The following SUPT3H variants were observed in gnomAD, a reference collection of about 807,000 sequenced individuals.
The protein encoded by SUPT3H is SPT3 homolog, SAGA and STAGA complex component, also known as transcription initiation protein SPT3 homolog.
Under a neutral mutation model 44.3 loss-of-function variants are expected in SUPT3H, and 44 were observed. That is an observed-to-expected ratio of 0.99 (90% confidence interval 0.78 to 1.28). SUPT3H has a LOEUF of 1.28. SUPT3H is among the 50% of genes most tolerant of loss of function. SUPT3H has a pLI of 0.00. For missense variants in SUPT3H, 380 were observed against 387.1 expected (o/e 0.98, Z 0.15); for synonymous variants, 124 against 125.6 (o/e 0.99, Z 0.09).
At chr6:44,814,734 T>C (rs1325839502) in intron 11 of SUPT3H, among the ~76,000 whole-genome samples, 2 of 152,146 alleles carry the variant, frequency 1.3e-5, no homozygotes, top group Non-Finnish European at 2.9e-5. Flanking sequence ...TGGAGTGCAG[T>C]GGTGTGATCT....
At chr6:45,252,987 C>T (rs1706394163) in intron 2 of SUPT3H, among the ~76,000 whole-genome samples, 1 of 151,580 alleles carries the variant, frequency 6.6e-6, no homozygotes, top group African/African-American at 2.4e-5. Context: ...TCATAGAGGG[C>T]TATGAGAGGA....
chr6:45,172,287 G>A (rs1214004187), intron 2 of SUPT3H, among the ~76,000 whole-genome samples: 1 of 151,444 alleles, frequency 6.6e-6, no homozygotes, highest in Non-Finnish European at 1.5e-5. Flanking sequence ...TGGCCAGAAT[G>A]GTCTCGATCT....
intron 10 of SUPT3H, among the ~76,000 whole-genome samples, chr6:44,902,655 G>C (rs1370317021): frequency 6.6e-6 from 1 of 152,076 alleles, no homozygotes. Flanking sequence ...TCCAGGAATT[G>C]AACTCAGCTC....
intron 1 of SUPT3H, among the ~76,000 whole-genome samples, chr6:45,373,144 G>A (rs950309115): frequency 6.6e-6 from 1 of 151,936 alleles, no homozygotes; most frequent in Non-Finnish European, 1.5e-5. Flanking sequence ...TAGAGACCAG[G>A]TCTCACTATA....
At chr6:45,265,839 A>C (rs1775163197) in intron 2 of SUPT3H, among the ~76,000 whole-genome samples, 1 of 152,100 alleles carries the variant, frequency 6.6e-6, no homozygotes, top group African/African-American at 2.4e-5. Context: ...TCCTTAAAGT[A>C]GTTAAAAAGA....
chr6:44,990,823 CTTATT>C (rs976312541), intron 6 of SUPT3H, among the ~76,000 whole-genome samples: 1 of 151,880 alleles, frequency 6.6e-6, no homozygotes, highest in Admixed American at 6.6e-5. Context: ...TTGGCAAAGT[CTTATT>C]TTAAATTACT....
intron 2 of SUPT3H, among the ~76,000 whole-genome samples, chr6:45,220,035 T>A (rs1257177403): frequency 2.5e-5 from 2 of 78,438 alleles, no homozygotes; most frequent in Admixed American, 1.8e-4. Context: ...AGAGAGACTC[T>A]GTCTCAAAAA....
chr6:45,273,175 A>G (rs1734875903), intron 2 of SUPT3H, among the ~76,000 whole-genome samples: 1 of 152,218 alleles, frequency 6.6e-6, no homozygotes, highest in Non-Finnish European at 1.5e-5. Context: ...CAATTGAGAT[A>G]TCTATGGTAT....
At chr6:45,370,759 A>G (rs1795927158) in intron 1 of SUPT3H, among the ~76,000 whole-genome samples, 2 of 152,182 alleles carry the variant, frequency 1.3e-5, no homozygotes, top group Non-Finnish European at 2.9e-5. Flanking sequence ...GCAGCATTAC[A>G]TATCCTACCT....
chr6:45,011,120 C>A (rs1783421572), intron 5 of SUPT3H, among the ~76,000 whole-genome samples: 1 of 152,004 alleles, frequency 6.6e-6, no homozygotes, highest in Non-Finnish European at 1.5e-5. Context: ...AGTTTAATGG[C>A]ATTCTGTTGA....
intron 2 of SUPT3H, among the ~76,000 whole-genome samples, chr6:45,253,848 C>CATATATATATATATATATATATATAT (rs34256293): frequency 0.012 from 1,052 of 88,140 alleles, 30 homozygotes; most frequent in Middle Eastern, 0.017. Context: ...CACATATACG[C>CATATATATATATATATATATATATAT]ATATATATAT....
At chr6:45,058,663 A>C (rs1390782858) in intron 3 of SUPT3H, among the ~76,000 whole-genome samples, 1 of 152,090 alleles carries the variant, frequency 6.6e-6, no homozygotes, top group Non-Finnish European at 1.5e-5. Context: ...TATTGTTGAG[A>C]AACACTGCAC....
chr6:45,013,400 G>A (rs1404204844), intron 5 of SUPT3H, among the ~76,000 whole-genome samples: 1 of 152,088 alleles, frequency 6.6e-6, no homozygotes, highest in African/African-American at 2.4e-5. Flanking sequence ...ACGTGGAAGA[G>A]CTGCAGAGCT....
intron 10 of SUPT3H, among the ~76,000 whole-genome samples, chr6:44,911,028 C>T (rs56260317): frequency 2.4e-3 from 309 of 127,758 alleles, no homozygotes; most frequent in Non-Finnish European, 4.1e-3. Flanking sequence ...AAAGTAGCTT[C>T]TTTTATAAAT....
At chr6:44,925,870 A>G (rs1304706473) in intron 10 of SUPT3H, among the ~76,000 whole-genome samples, 2 of 152,176 alleles carry the variant, frequency 1.3e-5, no homozygotes, top group African/African-American at 4.8e-5. Flanking sequence ...AAAGCATTTG[A>G]ATTTTTAGGT....
At chr6:45,236,493 A>G (rs1387015163) in intron 2 of SUPT3H, among the ~76,000 whole-genome samples, 1 of 152,142 alleles carries the variant, frequency 6.6e-6, no homozygotes, top group African/African-American at 2.4e-5. Flanking sequence ...TTTGCCAGGT[A>G]AAGCTAAAGT....
intron 2 of SUPT3H, among the ~76,000 whole-genome samples, chr6:45,346,325 G>A (rs1790850731): frequency 6.6e-6 from 1 of 152,080 alleles, no homozygotes; most frequent in South Asian, 2.1e-4. Flanking sequence ...AAATAAAATA[G>A]ATTTTTAAAG....
rs188554949 is a variant in SUPT3H, at chr6:45,257,446, C to A, written c.101+107755G>T. On this transcript the variant is annotated intron_variant, in intron 2 of 10. Coordinates refer to ENST00000371459, the MANE Select transcript of SUPT3H (RefSeq NM_003599.4). The stretch of plus-strand genomic sequence containing the variant: ...AGAGTCTGTTTTATCAGTGAGAAAA[C>A]ATTCTCAGAAGCCATTCAAACTTTT... 1.4e-4 allele frequency among the ~76,000 whole-genome samples: 22 copies of A among 152,240 alleles called. No homozygotes were observed. The East Asian group carries it at 4.1e-3, about 28-fold the overall frequency.
At chr6:45,176,909 A>C (rs1303876121) in intron 2 of SUPT3H, among the ~76,000 whole-genome samples, 1 of 97,308 alleles carries the variant, frequency 1.0e-5, no homozygotes, top group Non-Finnish European at 2.0e-5. Context: ...CACACCAAAA[A>C]CCCATCTGTA....
Sources: allele counts gnomAD v4.1 joint callset (sites outside exome capture counted in the v4.1 genomes callset), GRCh38; gene constraint gnomAD v4.1.1; transcripts MANE v1.5; gene names NCBI Gene and HGNC (gene_info 2026-07-23, HGNC 2026-07-21).